The following MAPK4 variants were observed in gnomAD, a reference collection of about 807,000 sequenced individuals.
The protein encoded by MAPK4 is Erk3-related.
MAPK4 carries 22 observed loss-of-function variants against 47.7 expected under a neutral mutation model. The ratio of observed to expected loss-of-function variants is 0.46; its 90% confidence interval spans 0.33 to 0.66. MAPK4 has a LOEUF of 0.66. MAPK4 is among the 30% of genes least tolerant of loss of function. The pLI, the probability that MAPK4 is intolerant of heterozygous loss-of-function variation, is 0.02. For synonymous variants in MAPK4, 390 were observed against 365.7 expected (o/e 1.07, Z -0.76); for missense variants, 736 against 831.7 (o/e 0.88, Z 1.42).
chr18:50,563,857 A>G lies in MAPK4; in HGVS notation c.-871+3614A>G, dbSNP rs550659969. On this transcript the variant is annotated intron_variant, in intron 1 of 5. Coordinates refer to ENST00000400384, the MANE Select transcript of MAPK4 (RefSeq NM_002747.4). ...GGTCTCAGGGGAAAACCAATCTGTC[A>G]TCGGTCACTTTCTCTTAAATATGAA... Among the ~76,000 whole-genome samples, 17 of 152,252 alleles carry G rather than the reference A, an allele frequency of 1.1e-4. No individual in the cohort carries two copies. The South Asian group carries it at 2.3e-3, about 20-fold the overall frequency.
At chr18:50,697,106 A>G (rs143206126) in intron 2 of MAPK4, among the ~76,000 whole-genome samples, 28 of 152,342 alleles carry the variant, frequency 1.8e-4, no homozygotes, top group Middle Eastern at 3.4e-3. Context: ...GGGTGAGGCC[A>G]GCAATGAGTT....
chr18:50,568,764 A>G (rs923042258), intron 1 of MAPK4, among the ~76,000 whole-genome samples: 4 of 152,170 alleles, frequency 2.6e-5, no homozygotes, highest in African/African-American at 7.2e-5. Flanking sequence ...AATCTCTCCA[A>G]GATACATTCT....
At chr18:50,710,779 CTAAA>C (rs56152549) in intron 2 of MAPK4, among the ~76,000 whole-genome samples, 59,581 of 144,498 alleles carry the variant, frequency 0.41, 12,740 homozygotes, top group Non-Finnish European at 0.47. Context: ...GACTCCGTCT[CTAAA>C]TAAATAAATA....
At chr18:50,694,732 C>T (rs1909411226) in intron 2 of MAPK4, among the ~76,000 whole-genome samples, 1 of 152,164 alleles carries the variant, frequency 6.6e-6, no homozygotes, top group Admixed American at 6.5e-5. Flanking sequence ...TTGGGACCTG[C>T]TTGTCTCTTT....
intron 1 of MAPK4, among the ~76,000 whole-genome samples, chr18:50,625,927 C>CACACACATAT (rs1167419602): frequency 2.1e-5 from 2 of 93,370 alleles, no homozygotes; most frequent in African/African-American, 8.2e-5. Context: ...CACACACACA[C>CACACACATAT]ATATATAATG....
At chr18:50,599,719 T>C (rs958765916) in intron 1 of MAPK4, among the ~76,000 whole-genome samples, 10 of 152,198 alleles carry the variant, frequency 6.6e-5, no homozygotes, top group Admixed American at 2.6e-4. Context: ...GTGCCTGGCC[T>C]GCTTTTATTA....
intron 2 of MAPK4, 82 bp from the exon 3 acceptor site, chr18:50,714,997 T>C (rs1009675060): frequency 2.1e-6 from 3 of 1,404,822 alleles, no homozygotes; most frequent in East Asian, 2.3e-5. Context: ...GTCTGTTTCA[T>C]GGGAGGGGAA....
chr18:50,604,472 T>G lies in MAPK4; in HGVS notation c.-871+44229T>G, dbSNP rs570698399. 7.2e-5 allele frequency among the ~76,000 whole-genome samples: 11 copies of G among 152,340 alleles called. No homozygotes were observed. The South Asian group carries it at 1.7e-3, about 23-fold the overall frequency. On this transcript the variant is annotated intron_variant, in intron 1 of 5. Transcript: ENST00000400384. ...GTAATTGCAAAATACCCCTAATCCA[T>G]GAGGTATAAGCTTGCTTACTCTTTT...
chr18:50,672,516 TC>T (rs1001302123), intron 2 of MAPK4, among the ~76,000 whole-genome samples: 5 of 152,176 alleles, frequency 3.3e-5, no homozygotes, highest in African/African-American at 1.2e-4. Context: ...TGCCTCCCTG[TC>T]CCCTTCCCAT....
chr18:50,687,469 A>G (rs557965983), intron 2 of MAPK4, among the ~76,000 whole-genome samples: 6 of 152,350 alleles, frequency 3.9e-5, no homozygotes, highest in African/African-American at 1.4e-4. Flanking sequence ...GAAAACAATT[A>G]TGTTATCCTA....
At chr18:50,673,851 G>A (rs1301597751) in intron 2 of MAPK4, among the ~76,000 whole-genome samples, 9 of 151,960 alleles carry the variant, frequency 5.9e-5, no homozygotes, top group South Asian at 4.2e-4. Flanking sequence ...GCAAGACTCC[G>A]TCTCAAAAAA....
intron 1 of MAPK4, among the ~76,000 whole-genome samples, chr18:50,623,022 C>T (rs2042746126): frequency 6.6e-6 from 1 of 152,220 alleles, no homozygotes; most frequent in Admixed American, 6.5e-5. Context: ...CATGTGGACG[C>T]AACTGTTAGT....
At chr18:50,572,539 A>G (rs1182620146) in intron 1 of MAPK4, among the ~76,000 whole-genome samples, 1 of 152,192 alleles carries the variant, frequency 6.6e-6, no homozygotes, top group Non-Finnish European at 1.5e-5. Context: ...GAATTTGTTA[A>G]TACTGAAACC....
intron 2 of MAPK4, among the ~76,000 whole-genome samples, chr18:50,702,052 C>T (rs1360397048): frequency 1.3e-5 from 2 of 151,154 alleles, no homozygotes; most frequent in African/African-American, 4.9e-5. Context: ...TTCCCAGCTA[C>T]CAGAAAGGCT....
intron 2 of MAPK4, among the ~76,000 whole-genome samples, chr18:50,695,638 G>A (rs116024479): frequency 2.6e-5 from 4 of 152,320 alleles, no homozygotes; most frequent in East Asian, 1.9e-4. Flanking sequence ...CGGATGCCAC[G>A]CGTGCAGTAG....
chr18:50,608,495 A>G (rs2042602399), intron 1 of MAPK4, among the ~76,000 whole-genome samples: 1 of 152,038 alleles, frequency 6.6e-6, no homozygotes, highest in Non-Finnish European at 1.5e-5. Context: ...TTTTTTTACA[A>G]TGACAACTCA....
At chr18:50,621,194 C>T (rs1202160070) in intron 1 of MAPK4, among the ~76,000 whole-genome samples, 1 of 152,192 alleles carries the variant, frequency 6.6e-6, no homozygotes, top group Non-Finnish European at 1.5e-5. Flanking sequence ...AATCTTCTGA[C>T]TCCAAAACAT....
At chr18:50,729,096 G>T in intron 5 of MAPK4, 62 bp from the exon 6 acceptor site, 3 of 1,411,332 alleles carry the variant, frequency 2.1e-6, no homozygotes, top group Non-Finnish European at 2.9e-6. Context: ...AGAGGGCTTG[G>T]CTCCCTCCCG....
chr18:50,590,379 G>A (rs778030523), intron 1 of MAPK4, among the ~76,000 whole-genome samples: 42 of 152,200 alleles, frequency 2.8e-4, no homozygotes, highest in Non-Finnish European at 2.2e-4. Flanking sequence ...CTTTCTCCTT[G>A]GAGGAGGATT....
Sources: gnomAD v4.1 joint callset for allele counts (sites outside exome capture counted in the v4.1 genomes callset) on GRCh38, gnomAD v4.1.1 for gene constraint, MANE v1.5 for transcripts, NCBI Gene and HGNC (gene_info 2026-07-23, HGNC 2026-07-21) for gene names.